PRKCE: variants seen among roughly 807,000 people sequenced by gnomAD.
PRKCE encodes the protein protein kinase C epsilon, also known as protein kinase C epsilon type.
A neutral mutation model predicts 85.4 loss-of-function variants in PRKCE; 16 were observed. The ratio of observed to expected loss-of-function variants is 0.19; its 90% CI spans 0.13 to 0.28. The LOEUF (loss-of-function observed/expected upper bound fraction) is 0.28. Among genes scored for constraint, PRKCE ranks in the 10% least tolerant of loss-of-function variants. The pLI is 1.00. For missense variants in PRKCE, 573 were observed against 975.2 expected (o/e 0.59, Z 5.49); for synonymous variants, 388 against 371.5 (o/e 1.04, Z -0.51).
At position 45,947,079 on chromosome 2, in the gene PRKCE, T is replaced by C. The variant is rs573503617; in HGVS notation, c.413-29350T>C. Reference sequence around the variant, plus strand: ...CCATCACCTGGTGTGTTTATTGTTATTGCAAAACAGTACCACCTAAAGTGT... The same window carrying C: ...CCATCACCTGGTGTGTTTATTGTTACTGCAAAACAGTACCACCTAAAGTGT... On this transcript the variant is annotated intron_variant, in intron 2 of 14. Coordinates refer to ENST00000306156, the MANE Select transcript of PRKCE (RefSeq NM_005400.3). 6.9e-4 allele frequency among the ~76,000 whole-genome samples: 105 copies of C among 152,350 alleles called. 3 individuals are homozygous for C. Among genetic ancestry groups the C allele is most frequent in the Middle Eastern group, 3.4e-3 (1 of 294 alleles).
intron 10 of PRKCE, among the ~76,000 whole-genome samples, chr2:46,018,488 A>T (rs367711691): frequency 1.9e-3 from 283 of 152,240 alleles, no homozygotes; most frequent in East Asian, 7.5e-3. Context: ...AAATTTTTTT[A>T]AAAAAAGCCC....
chr2:45,761,052 GCA>G (rs1293379480), intron 1 of PRKCE, among the ~76,000 whole-genome samples: 6 of 152,108 alleles, frequency 3.9e-5, no homozygotes, highest in African/African-American at 7.2e-5. Context: ...TTAAGGCCGG[GCA>G]TGGTGGCTCA....
chr2:45,917,432 A>G (rs868380932), intron 2 of PRKCE, among the ~76,000 whole-genome samples: 27 of 152,170 alleles, frequency 1.8e-4, no homozygotes, highest in Middle Eastern at 3.2e-3. Flanking sequence ...CAGAGTAGCT[A>G]GATACAGAGT....
At position 46,095,586 on chromosome 2, in the gene PRKCE, G is replaced by A. The variant is rs112162950; in HGVS notation, c.1592+9224G>A. Among the ~76,000 whole-genome samples the A allele has an allele frequency of 1.5e-3, 229 of 152,306 alleles. 3 individuals carry two copies. The highest frequency in any genetic ancestry group is 5.4e-3 in the African/African-American group (223 of 41,554). On this transcript the variant is annotated intron_variant, in intron 11 of 14. Coordinates refer to ENST00000306156, the MANE Select transcript of PRKCE (RefSeq NM_005400.3). ...GTAACTGTTACTGCATATTTCCTGAGCTTTGGGGATAGGAAGATGGAAATT... is the reference window on the plus strand; with the variant it reads ...GTAACTGTTACTGCATATTTCCTGAACTTTGGGGATAGGAAGATGGAAATT...
chr2:45,875,646 T>A (rs1694419347), intron 2 of PRKCE, among the ~76,000 whole-genome samples: 1 of 152,188 alleles, frequency 6.6e-6, no homozygotes, highest in African/African-American at 2.4e-5. Flanking sequence ...AAAGACCAGT[T>A]GGGGGTAAAA....
intron 2 of PRKCE, among the ~76,000 whole-genome samples, chr2:45,946,035 G>A (rs1174055251): frequency 6.6e-6 from 1 of 152,266 alleles, no homozygotes; most frequent in Non-Finnish European, 1.5e-5. Context: ...AATGACTAGG[G>A]CTACTGTTAA....
intron 14 of PRKCE, among the ~76,000 whole-genome samples, chr2:46,160,769 C>A (rs1677677667): frequency 6.6e-6 from 1 of 152,170 alleles, no homozygotes; most frequent in South Asian, 2.1e-4. Context: ...TGTGAACCAT[C>A]AGAGAGGAAT....
chr2:46,125,228 C>T (rs1673731066), intron 11 of PRKCE, among the ~76,000 whole-genome samples: 1 of 152,114 alleles, frequency 6.6e-6, no homozygotes, highest in African/African-American at 2.4e-5. Flanking sequence ...ATAGTTCATC[C>T]AGTCTGTAGA....
At chr2:45,796,308 C>A (rs1478491248) in intron 1 of PRKCE, among the ~76,000 whole-genome samples, 1 of 152,164 alleles carries the variant, frequency 6.6e-6, no homozygotes, top group Non-Finnish European at 1.5e-5. Context: ...TGTAAGAAAC[C>A]TTGGACTGTT....
intron 1 of PRKCE, among the ~76,000 whole-genome samples, chr2:45,813,615 G>A (rs7598367): frequency 7.4e-4 from 112 of 152,238 alleles, no homozygotes; most frequent in African/African-American, 1.6e-3. Context: ...CCAGAGAGGT[G>A]CAAGGAGGTC....
In PRKCE at chr2:46,145,020, C is replaced by T. The variant is rs990094097; in HGVS notation, c.1593-73C>T. ...GCTGGAGATTTCCCTAAGATAGGCA[C>T]ATACCTCCAACTCAGGAAGACTATA... is the stretch of plus-strand genomic sequence containing the variant. On this transcript the variant is annotated intron_variant, in intron 11 of 14. Transcript: ENST00000306156. The surrounding 1 kb of genome is among the most constrained non-coding windows in gnomAD (Gnocchi z 4.6). The T allele has an allele frequency of 1.0e-5, 16 of 1,579,918 alleles. No homozygotes were observed. In the East Asian group the frequency reaches 1.3e-4, roughly 13 times the overall value.
At chr2:46,034,892 C>T (rs1574294488) in intron 10 of PRKCE, among the ~76,000 whole-genome samples, 1 of 152,264 alleles carries the variant, frequency 6.6e-6, no homozygotes, top group African/African-American at 2.4e-5. Flanking sequence ...GCAAACCATT[C>T]TGAGACTGCT....
intron 2 of PRKCE, among the ~76,000 whole-genome samples, chr2:45,874,298 T>A (rs1284292359): frequency 1.3e-5 from 2 of 152,178 alleles, no homozygotes; most frequent in Non-Finnish European, 2.9e-5. Flanking sequence ...GATCCCAAGT[T>A]GTTGAACCAG....
chr2:45,895,696 C>A lies in PRKCE; in HGVS notation c.412+52633C>A, dbSNP rs1463489944. The stretch of plus-strand genomic sequence containing the variant: ...CTCAGCTGAATCAAATTGTACGGAG[C>A]CCTTAATCTCTGCTAGGGGCTGGGG... On this transcript the variant is annotated intron_variant, in intron 2 of 14. Transcript: ENST00000306156. The surrounding 1 kb of genome is among the most constrained non-coding windows in gnomAD (Gnocchi z 4.8). 3.9e-5 allele frequency among the ~76,000 whole-genome samples: 6 copies of A among 152,184 alleles called. No individual in the cohort carries two copies. The highest frequency in any genetic ancestry group is 7.3e-5 in the Non-Finnish European group (5 of 68,034).
intron 6 of PRKCE, among the ~76,000 whole-genome samples, chr2:45,993,178 G>C (rs531343560): frequency 5.3e-5 from 8 of 152,256 alleles, no homozygotes; most frequent in African/African-American, 1.9e-4. Flanking sequence ...GGTTCATTTG[G>C]CCACATTAAT....
chr2:45,843,372 G>A (rs544054746), intron 2 of PRKCE, among the ~76,000 whole-genome samples: 1 of 152,290 alleles, frequency 6.6e-6, no homozygotes, highest in South Asian at 2.1e-4. Context: ...GCTTGCGTGG[G>A]GTTTGTGTGT....
intron 1 of PRKCE, among the ~76,000 whole-genome samples, chr2:45,658,236 G>A (rs552479958): frequency 6.6e-6 from 1 of 152,242 alleles, no homozygotes; most frequent in African/African-American, 2.4e-5. Flanking sequence ...ATAATACCAT[G>A]TAATCCAATA....
intron 2 of PRKCE, among the ~76,000 whole-genome samples, chr2:45,864,919 G>T (rs1693462422): frequency 6.6e-6 from 1 of 152,194 alleles, no homozygotes; most frequent in Non-Finnish European, 1.5e-5. Flanking sequence ...GTTACAGCTT[G>T]CTGGGCTCCA....
chr2:46,036,688 C>T (rs1043417593), intron 10 of PRKCE, among the ~76,000 whole-genome samples: 2 of 152,094 alleles, frequency 1.3e-5, no homozygotes, highest in African/African-American at 4.8e-5. Context: ...GAGGGAGTGT[C>T]CTCTCTGGGC....
Sources: gnomAD v4.1 joint callset for allele counts (sites outside exome capture counted in the v4.1 genomes callset) on GRCh38, gnomAD v4.1.1 for gene constraint, Gnocchi (gnomAD v3.1) non-coding constraint, MANE v1.5 for transcripts, NCBI Gene and HGNC (gene_info 2026-07-23, HGNC 2026-07-21) for gene names.